Variants in SCAMP5 observed in about 807,000 individuals in gnomAD.
The protein encoded by SCAMP5 is secretory carrier membrane protein 5.
SCAMP5 carries 7 observed loss-of-function variants against 28.3 expected under a neutral mutation model. The observed-to-expected ratio is 0.25, with a 90% CI of 0.14 to 0.46. The LOEUF (loss-of-function observed/expected upper bound fraction) is 0.46. SCAMP5 is among the 20% of genes least tolerant of loss of function. The pLI, the probability that SCAMP5 is intolerant of heterozygous loss-of-function variation, is 0.99. For missense variants in SCAMP5, 192 were observed against 312.5 expected, an observed-to-expected ratio of 0.61 and a Z score of 2.91; for synonymous variants, 117 against 116.4, an observed-to-expected ratio of 1.00 and a Z score of -0.03.
chr15:75,018,723 A>T lies in SCAMP5; in HGVS notation c.514-66A>T. 8.0e-7 allele frequency: 1 copy of T among 1,247,548 alleles called. No individual in the cohort carries two copies. The highest frequency in any genetic ancestry group is 2.3e-5 in the East Asian group (1 of 43,178). 77.3% of individuals were successfully genotyped at this position (1,247,548 alleles called of 1,614,324 possible). A position where few individuals can be genotyped will look rare whatever the true frequency, so the allele number is the denominator to read the frequency against. On this transcript the variant is annotated intron_variant, in intron 6 of 6. Coordinates refer to ENST00000425597, the MANE Select transcript of SCAMP5 (RefSeq NM_138967.4). The surrounding 1 kb of genome is among the most constrained non-coding windows in gnomAD (Gnocchi z 5.6). Reference sequence around the variant, plus strand: ...TGTTTTTTTTTTACAGATGGGTCCCATCTATTTCCTGGATGGGCTGCCTTT... The same window carrying T: ...TGTTTTTTTTTTACAGATGGGTCCCTTCTATTTCCTGGATGGGCTGCCTTT...
Position 75,011,791 on chromosome 15 carries a change from G to C in SCAMP5, c.-48-1G>C, listed in dbSNP as rs1391318637. The C allele has an allele frequency of 1.3e-6, 2 of 1,591,456 alleles. No individual in the cohort carries two copies. The highest frequency in any genetic ancestry group is 3.3e-5 in the Admixed American group (2 of 59,730). The stretch of plus-strand genomic sequence containing the variant: ...CTTCTCTGGCTTTTCTTTCCTTGCA[G>C]TTCAGGACAAAGAGGTGTGGGCAGG... On this transcript the variant is annotated splice_acceptor_variant, in intron 1 of 6. Coordinates refer to ENST00000425597, the MANE Select transcript of SCAMP5 (RefSeq NM_138967.4). LOFTEE classifies it low-confidence loss of function (5UTR_SPLICE).
intron 1 of SCAMP5, among the ~76,000 whole-genome samples, chr15:75,005,353 TCC>T (rs1180893960): frequency 1.9e-4 from 28 of 149,850 alleles, no homozygotes; most frequent in Non-Finnish European, 3.6e-4. Flanking sequence ...TCCCAGCTAC[TCC>T]AGGCTGAGGC....
chr15:74,996,380 T>A lies in SCAMP5; in HGVS notation c.-49+707T>A, dbSNP rs938054252. 4.6e-5 allele frequency: 7 copies of A among 152,370 alleles called. No homozygotes were observed. Among genetic ancestry groups the A allele is most frequent in the Non-Finnish European group, 8.8e-5 (6 of 68,174 alleles). 9.4% of individuals were successfully genotyped at this position (152,370 alleles called of 1,614,324 possible). The stretch of plus-strand genomic sequence containing the variant: ...CTCGGGGAGCTCCTGGTCTGTGGGT[T>A]GGGGGAACCAAGTAGAGACTCGGAC... On this transcript the variant is annotated intron_variant, in intron 1 of 6. Transcript: ENST00000425597. The surrounding 1 kb of genome is among the most constrained non-coding windows in gnomAD (Gnocchi z 4.1).
intron 1 of SCAMP5, among the ~76,000 whole-genome samples, chr15:75,005,981 CTTTTTT>C (rs527501720): frequency 1.2e-5 from 1 of 81,028 alleles, no homozygotes; most frequent in Non-Finnish European, 2.2e-5. Flanking sequence ...CTCGGCCTCC[CTTTTTT>C]TTTTTTTTTT....
At position 75,006,639 on chromosome 15, in the gene SCAMP5, A is replaced by G. The variant is rs997272506; in HGVS notation, c.-48-5153A>G. 5.9e-5 allele frequency among the ~76,000 whole-genome samples: 9 copies of G among 152,166 alleles called. No individual in the cohort carries two copies. The South Asian group carries it at 1.0e-3, about 18-fold the overall frequency. Reference sequence around the variant, plus strand: ...CGTTTCTACTAAAAAAATACAAAAAAATTCGCCAGGTGTGGTGGCGGGCAC... The same window carrying G: ...CGTTTCTACTAAAAAAATACAAAAAGATTCGCCAGGTGTGGTGGCGGGCAC... On this transcript the variant is annotated intron_variant, in intron 1 of 6. Coordinates refer to ENST00000425597, the MANE Select transcript of SCAMP5 (RefSeq NM_138967.4).
intron 1 of SCAMP5, among the ~76,000 whole-genome samples, chr15:75,010,532 C>T (rs2065801693): frequency 1.3e-5 from 2 of 152,200 alleles, no homozygotes; most frequent in South Asian, 4.1e-4. Context: ...CTTTCTTTCC[C>T]TTATGATGGG....
chr15:74,998,959 G>A (rs1030827040), intron 1 of SCAMP5, among the ~76,000 whole-genome samples: 17 of 152,148 alleles, frequency 1.1e-4, no homozygotes, highest in African/African-American at 3.9e-4. Flanking sequence ...CCTCCTTTGA[G>A]GCCCCTATGT....
In SCAMP5 at chr15:75,018,627, G is replaced by A. The variant is rs752506913; in HGVS notation, c.513+92G>A. The A allele has an allele frequency of 2.3e-5, 25 of 1,087,278 alleles. No homozygotes were observed. The highest frequency in any genetic ancestry group is 3.6e-5 in the Non-Finnish European group (25 of 700,088). The allele number at this position is 1,087,278 out of a possible 1,614,324, so 67.4% of individuals were successfully genotyped here. On this transcript the variant is annotated intron_variant, in intron 6 of 6. Transcript: ENST00000425597. This position sits in a 1 kb window ranked among gnomAD's most constrained non-coding sequence, Gnocchi z 5.6. Reference sequence around the variant, plus strand: ...CTCCAAGTTGCAAGAGGATCCCGAGGTCTTCCAAGGGACTCACTCTGGAAT... The same window carrying A: ...CTCCAAGTTGCAAGAGGATCCCGAGATCTTCCAAGGGACTCACTCTGGAAT...
chr15:75,017,690 C>G, intron 4 of SCAMP5, 180 bp from the exon 5 acceptor site: 1 of 630,026 alleles, frequency 1.6e-6, no homozygotes, highest in Non-Finnish European at 2.9e-6. Context: ...ACACACAGGT[C>G]TACCACGTGG....
chr15:74,997,627 T>C (rs191167890), intron 1 of SCAMP5, among the ~76,000 whole-genome samples: 1 of 152,258 alleles, frequency 6.6e-6, no homozygotes, highest in Non-Finnish European at 1.5e-5. Context: ...GCTGCCAATT[T>C]AGGGGCACTG....
Position 75,019,068 on chromosome 15 carries a change from G to T in SCAMP5, c.*85G>T, listed in dbSNP as rs1332038141. The T allele has an allele frequency of 4.3e-6, 4 of 922,496 alleles. No individual in the cohort carries two copies. Among genetic ancestry groups the T allele is most frequent in the South Asian group, 2.0e-5 (1 of 50,398 alleles). 57.1% of individuals were successfully genotyped at this position (922,496 alleles called of 1,614,324 possible). On this transcript the variant is annotated 3_prime_UTR_variant, in exon 7 of 7. Coordinates refer to ENST00000425597, the MANE Select transcript of SCAMP5 (RefSeq NM_138967.4). The stretch of plus-strand genomic sequence containing the variant: ...ATCGTCATTTGTGGTTACCAAGCAG[G>T]GTTCCCCCTTCCCTTTTCTCCTTCC...
intron 2 of SCAMP5, 89 bp downstream of exon 2, chr15:75,011,935 C>A: frequency 2.8e-6 from 3 of 1,081,006 alleles, no homozygotes; most frequent in South Asian, 2.7e-5. Context: ...CTCCCCTAGT[C>A]TTTGGAGGCC....
At chr15:75,010,103 A>G (rs2065797485) in intron 1 of SCAMP5, among the ~76,000 whole-genome samples, 1 of 152,200 alleles carries the variant, frequency 6.6e-6, no homozygotes, top group South Asian at 2.1e-4. Context: ...CACTGTTCTA[A>G]CAAGGTGATT....
chr15:75,004,551 G>A (rs929629291), intron 1 of SCAMP5, among the ~76,000 whole-genome samples: 5 of 151,528 alleles, frequency 3.3e-5, no homozygotes, highest in South Asian at 2.1e-4. Context: ...GCAACATGGC[G>A]AAACCTTCTC....
intron 4 of SCAMP5, 117 bp downstream of exon 4, chr15:75,016,866 CCCTTGCTCA>C (rs1407739900): frequency 1.0e-6 from 1 of 970,964 alleles, no homozygotes; most frequent in Non-Finnish European, 1.5e-6. Context: ...AACTCACTTT[CCCTTGCTCA>C]CCTTTGGCTC....
rs1416278192 is a variant in SCAMP5 at position 75,018,826 on chromosome 15, G to T, written c.551G>T (p.Ser184Ile). 3 of 1,604,712 alleles carry T rather than the reference G, an allele frequency of 1.9e-6. No homozygotes were observed. The African/African-American group carries it at 4.1e-5, about 22-fold the overall frequency. Reference protein sequence around the residue: ...KFYRGSGGSFSKAQEEWTTGA... With the variant: ...KFYRGSGGSFIKAQEEWTTGA... Reference sequence around the variant, plus strand: ...TACCGGGGAAGTGGGGGGAGTTTCAGCAAAGCTCAGGAGGAGTGGACCACA... The same window carrying T: ...TACCGGGGAAGTGGGGGGAGTTTCATCAAAGCTCAGGAGGAGTGGACCACA... The change falls in exon 7 of 7, where the codon AGC becomes ATC. Residue 184 changes from serine to isoleucine, a missense_variant. Coordinates refer to ENST00000425597, the MANE Select transcript of SCAMP5 (RefSeq NM_138967.4). The surrounding 1 kb of genome is among the most constrained non-coding windows in gnomAD (Gnocchi z 5.6).
At chr15:75,008,582 C>T (rs2065782941) in intron 1 of SCAMP5, among the ~76,000 whole-genome samples, 1 of 151,918 alleles carries the variant, frequency 6.6e-6, no homozygotes, top group African/African-American at 2.4e-5. Flanking sequence ...TCACTGCAAC[C>T]TCCGCCTCCT....
intron 1 of SCAMP5, among the ~76,000 whole-genome samples, chr15:75,002,546 C>A (rs1447961443): frequency 6.6e-6 from 1 of 152,030 alleles, no homozygotes; most frequent in Non-Finnish European, 1.5e-5. Context: ...GGATTCACAG[C>A]TGACTCGATG....
intron 1 of SCAMP5, among the ~76,000 whole-genome samples, chr15:75,011,108 G>T (rs58954461): frequency 9.9e-5 from 15 of 152,118 alleles, no homozygotes; most frequent in African/African-American, 3.4e-4. Context: ...AGGAGGCTGC[G>T]CTTGGAGGAT....
Sources: gnomAD v4.1 joint callset for allele counts (sites outside exome capture counted in the v4.1 genomes callset) on GRCh38, gnomAD v4.1.1 for gene constraint, Gnocchi (gnomAD v3.1) non-coding constraint, MANE v1.5 for transcripts, NCBI Gene and HGNC (gene_info 2026-07-23, HGNC 2026-07-21) for gene names.